The following MAD1L1 variants were observed in gnomAD, a reference collection of about 807,000 sequenced individuals.
MAD1L1 encodes the protein mitotic spindle assembly checkpoint protein MAD1.
Under a neutral mutation model 96.9 loss-of-function variants are expected in MAD1L1, and 95 were observed. The observed-to-expected ratio is 0.98, with a 90% confidence interval of 0.83 to 1.16. MAD1L1 has a LOEUF of 1.16. Among genes scored for constraint, MAD1L1 ranks in the 50% most tolerant of loss-of-function variants. The pLI is 0.00. For synonymous variants in MAD1L1, 473 were observed against 396.6 expected (o/e 1.19, Z -2.29); for missense variants, 1,007 against 954.4 (o/e 1.06, Z -0.73).
chr7:1,935,292 C>A (rs1288173034), intron 17 of MAD1L1, among the ~76,000 whole-genome samples: 1 of 152,230 alleles, frequency 6.6e-6, no homozygotes, highest in African/African-American at 2.4e-5. Context: ...GGGCTCAGGC[C>A]CTCACAGCCA....
chr7:1,838,893 A>C, intron 18 of MAD1L1: 1 of 470,622 alleles, frequency 2.1e-6, no homozygotes, highest in South Asian at 1.6e-5. Flanking sequence ...GGTTCCAGGC[A>C]CACCCTGGGG....
chr7:2,178,635 G>T (rs1012556138), intron 10 of MAD1L1, among the ~76,000 whole-genome samples: 1 of 152,186 alleles, frequency 6.6e-6, no homozygotes, highest in African/African-American at 2.4e-5. Flanking sequence ...GATGGCTCAC[G>T]CCTGTAATCC....
At chr7:1,816,294 C>T (rs1322403072) in intron 18 of MAD1L1, 66 bp from the exon 19 acceptor site, 4 of 1,510,444 alleles carry the variant, frequency 2.6e-6, no homozygotes, top group South Asian at 1.2e-5. Context: ...TCTCCCCTCC[C>T]TCCCTACACA....
intron 12 of MAD1L1, among the ~76,000 whole-genome samples, chr7:2,067,805 C>A (rs1275487744): frequency 6.6e-6 from 1 of 152,398 alleles, no homozygotes; most frequent in Non-Finnish European, 1.5e-5. Context: ...AGGAATGCCA[C>A]CTCCTGAGAA....
At chr7:1,933,321 C>T (rs982257654) in intron 17 of MAD1L1, among the ~76,000 whole-genome samples, 3 of 152,192 alleles carry the variant, frequency 2.0e-5, no homozygotes, top group South Asian at 2.1e-4. Flanking sequence ...CTGCCAACGC[C>T]AGGTCCTTCT....
chr7:2,131,174 G>A (rs750317733), intron 11 of MAD1L1, among the ~76,000 whole-genome samples: 4 of 152,180 alleles, frequency 2.6e-5, no homozygotes, highest in Non-Finnish European at 5.9e-5. Context: ...CCTTCTTCGG[G>A]CCCCAGAGCG....
chr7:1,893,327 G>A (rs1025242985), intron 18 of MAD1L1, among the ~76,000 whole-genome samples: 67 of 152,066 alleles, frequency 4.4e-4, no homozygotes, highest in African/African-American at 1.4e-3. Context: ...GGGACTGTGC[G>A]GCAAACCCTC....
At position 2,149,056 on chromosome 7, in the gene MAD1L1, G is replaced by C. The variant is rs1454620630; in HGVS notation, c.1073+96C>G. The C allele has an allele frequency of 3.8e-6, 4 of 1,061,202 alleles. No individual in the cohort carries two copies. The African/African-American group carries it at 6.2e-5, about 16-fold the overall frequency. 65.7% of individuals were successfully genotyped at this position (1,061,202 alleles called of 1,614,324 possible). A position where few individuals can be genotyped will look rare whatever the true frequency, so the allele number is the denominator to read the frequency against. ...AGGGCCAACCACATGATGAAGGACA[G>C]CCATCCCCCAAGAGCCAGGGGGCAC... On this transcript the variant is annotated intron_variant, in intron 11 of 18. Coordinates refer to ENST00000265854, the MANE Select transcript of MAD1L1 (RefSeq NM_001013836.2).
intron 11 of MAD1L1, among the ~76,000 whole-genome samples, chr7:2,070,595 G>A (rs967284296): frequency 4.6e-5 from 7 of 152,386 alleles, no homozygotes; most frequent in Non-Finnish European, 7.3e-5. Context: ...CCAGGCAGGC[G>A]CAGAGCGGAA....
chr7:1,867,455 G>A (rs950335168), intron 18 of MAD1L1, among the ~76,000 whole-genome samples: 2 of 152,234 alleles, frequency 1.3e-5, no homozygotes, highest in Non-Finnish European at 2.9e-5. Context: ...GGGGGCCGCA[G>A]GAATTGGGAC....
chr7:1,926,877 C>G (rs1789120371), intron 17 of MAD1L1, among the ~76,000 whole-genome samples: 1 of 152,210 alleles, frequency 6.6e-6, no homozygotes, highest in Non-Finnish European at 1.5e-5. Flanking sequence ...AGGTCCTAGA[C>G]AGGGCAACAC....
At chr7:1,972,076 G>A (rs1173904469) in intron 15 of MAD1L1, among the ~76,000 whole-genome samples, 1 of 152,158 alleles carries the variant, frequency 6.6e-6, no homozygotes, top group Non-Finnish European at 1.5e-5. Flanking sequence ...TCCAGAGACT[G>A]CTCGCCTGCC....
chr7:1,980,987 G>A (rs1780878999), intron 14 of MAD1L1, among the ~76,000 whole-genome samples: 1 of 152,206 alleles, frequency 6.6e-6, no homozygotes, highest in Admixed American at 6.5e-5. Context: ...TCTTTTCTGA[G>A]ATGGAGTCTC....
chr7:1,944,053 C>A (rs909725496), intron 16 of MAD1L1, among the ~76,000 whole-genome samples: 5 of 152,052 alleles, frequency 3.3e-5, no homozygotes, highest in African/African-American at 1.2e-4. Flanking sequence ...ATCACAAAGG[C>A]CACAGGACTC....
chr7:2,216,514 T>G (rs1020910978), intron 7 of MAD1L1, among the ~76,000 whole-genome samples: 1 of 152,122 alleles, frequency 6.6e-6, no homozygotes, highest in Non-Finnish European at 1.5e-5. Flanking sequence ...AGTAAAACTT[T>G]TCTGTGTGAC....
intron 17 of MAD1L1, among the ~76,000 whole-genome samples, chr7:1,909,742 G>A (rs1437147044): frequency 6.6e-6 from 1 of 152,224 alleles, no homozygotes; most frequent in Non-Finnish European, 1.5e-5. Context: ...GCCACCACCT[G>A]CCAGCCAGGG....
At chr7:2,043,292 C>T (rs1181243310) in intron 12 of MAD1L1, among the ~76,000 whole-genome samples, 2 of 152,214 alleles carry the variant, frequency 1.3e-5, no homozygotes, top group African/African-American at 4.8e-5. Flanking sequence ...CCCTCCTTCT[C>T]CTGTGGTTCC....
chr7:2,143,047 C>T (rs1789121651), intron 11 of MAD1L1, among the ~76,000 whole-genome samples: 1 of 152,082 alleles, frequency 6.6e-6, no homozygotes, highest in South Asian at 2.1e-4. Context: ...TTGTACTTTC[C>T]CATTACCTCA....
chr7:1,887,862 C>CGTGTGTGTGTGGCTGCCTGGGT (rs1241718410), intron 18 of MAD1L1, among the ~76,000 whole-genome samples: 9 of 14,828 alleles, frequency 6.1e-4, no homozygotes, highest in African/African-American at 4.6e-3. Flanking sequence ...TGTGTGTGCA[C>CGTGTGTGTGTGGCTGCCTGGGT]GTGTGTGTGC....
Sources: allele counts gnomAD v4.1 joint callset (sites outside exome capture counted in the v4.1 genomes callset), GRCh38; gene constraint gnomAD v4.1.1; transcripts MANE v1.5; gene names NCBI Gene and HGNC (gene_info 2026-07-23, HGNC 2026-07-21).